GALK2: variants seen among roughly 807,000 people sequenced by gnomAD.
GALK2 encodes the protein galactokinase 2.
GALK2 carries 36 observed loss-of-function variants against 52.4 expected under a neutral mutation model. The observed-to-expected ratio is 0.69, with a 90% confidence interval of 0.53 to 0.91. GALK2 has a LOEUF of 0.91. Ranked by LOEUF, GALK2 falls within the 40% of genes least tolerant of loss-of-function variation. The probability of loss-of-function intolerance (pLI) is 0.00; values close to 1 mark genes in which losing one functional copy is unlikely to be tolerated. For synonymous variants in GALK2, 176 were observed against 199.1 expected (o/e 0.88, Z 0.98); for missense variants, 579 against 559.1 (o/e 1.04, Z -0.36).
At chr15:49,303,827 G>C (rs2035320621) in intron 8 of GALK2, among the ~76,000 whole-genome samples, 1 of 152,198 alleles carries the variant, frequency 6.6e-6, no homozygotes, top group Non-Finnish European at 1.5e-5. Context: ...CTCATTTGTG[G>C]CTGCCTCAAG....
chr15:49,315,007 AT>A (rs1240419414), intron 8 of GALK2, among the ~76,000 whole-genome samples: 4 of 152,268 alleles, frequency 2.6e-5, no homozygotes, highest in Non-Finnish European at 4.4e-5. Flanking sequence ...AATATAATTT[AT>A]TATACAAGCC....
intron 3 of GALK2, chr15:49,354,040 G>A (rs948866494): frequency 4.6e-5 from 7 of 152,154 alleles, no homozygotes; most frequent in African/African-American, 1.7e-4. Context: ...CACTTCTGGA[G>A]TCTCAGAGTT....
At chr15:49,326,796 A>AT (rs1318150345) in intron 9 of GALK2, among the ~76,000 whole-genome samples, 1 of 152,166 alleles carries the variant, frequency 6.6e-6, no homozygotes, top group Non-Finnish European at 1.5e-5. Flanking sequence ...ATTTTAATAT[A>AT]TATAATAAAG....
chr15:49,307,270 A>G, intron 8 of GALK2, among the ~76,000 whole-genome samples: 1 of 152,182 alleles, frequency 6.6e-6, no homozygotes, highest in Non-Finnish European at 1.5e-5. Context: ...GGGAGAGGAT[A>G]GTGTCACAAC....
chr15:49,322,883 G>A (rs2037006060), intron 9 of GALK2, among the ~76,000 whole-genome samples: 1 of 151,492 alleles, frequency 6.6e-6, no homozygotes, highest in African/African-American at 2.4e-5. Flanking sequence ...CGTGAACCCG[G>A]GAGGCAGAGC....
chr15:49,262,545 G>A (rs895499961), intron 5 of GALK2, among the ~76,000 whole-genome samples: 4 of 152,138 alleles, frequency 2.6e-5, no homozygotes, highest in African/African-American at 7.2e-5. Context: ...ATTTTTTGAA[G>A]GGTTTTTTGT....
chr15:49,360,914 C>CA (rs2044109745), intron 3 of GALK2, among the ~76,000 whole-genome samples: 1 of 152,094 alleles, frequency 6.6e-6, no homozygotes. Context: ...TACATACCTC[C>CA]AGTCTACTCA....
intron 1 of GALK2, among the ~76,000 whole-genome samples, chr15:49,164,922 A>G (rs1427524647): frequency 1.3e-5 from 2 of 152,026 alleles, no homozygotes; most frequent in African/African-American, 4.8e-5. Flanking sequence ...CAGAGTCTAA[A>G]TATTTGTTTC....
intron 3 of GALK2, chr15:49,366,041 A>G (rs1263912218): frequency 4.2e-5 from 34 of 810,056 alleles, no homozygotes; most frequent in Middle Eastern, 3.5e-4. Flanking sequence ...AAAGTTAGAT[A>G]TTCTTCCTTT....
rs771981013 is a variant in GALK2 at position 49,319,770 on chromosome 15, C to G, written c.1134C>G (p.Ser378Arg). ...HMSCRDMYEC[S>R]CPELDQLVDI... is the part of the protein sequence containing the mutation. ...GCTGCCGGGACATGTATGAGTGCAG[C>G]TGCCCCGAGCTGGATCAGCTGGTGG... The change falls in exon 9 of 10, where the codon AGC (serine) becomes AGG (arginine). Residue 378 changes from serine to arginine, a missense_variant. Coordinates refer to ENST00000560031, the MANE Select transcript of GALK2 (RefSeq NM_002044.4). 3.7e-6 allele frequency: 6 copies of G among 1,614,000 alleles called. No individual in the cohort carries two copies. The South Asian group carries it at 4.4e-5, about 12-fold the overall frequency.
intron 5 of GALK2, among the ~76,000 whole-genome samples, chr15:49,264,162 T>C (rs905994300): frequency 1.3e-4 from 20 of 151,792 alleles, no homozygotes; most frequent in African/African-American, 4.8e-4. Flanking sequence ...TCCTGCAGAG[T>C]GTTTTCCAAC....
chr15:49,191,192 G>C (rs2086697730), intron 1 of GALK2, among the ~76,000 whole-genome samples: 1 of 152,072 alleles, frequency 6.6e-6, no homozygotes, highest in African/African-American at 2.4e-5. Context: ...GGGAGGAATA[G>C]GGAAAAAAAT....
At position 49,328,693 on chromosome 15, in the gene GALK2, G is replaced by T; in HGVS notation, c.*534G>T. The T allele has an allele frequency of 1.9e-6, 3 of 1,548,850 alleles. No individual in the cohort carries two copies. Among genetic ancestry groups the T allele is most frequent in the Non-Finnish European group, 1.7e-6 (2 of 1,145,128 alleles). Reference sequence around the variant, plus strand: ...TCGGAACGCTATGAAAATAATACATGATTAAAGTTTCACAGATCTTCTTGG... The same window carrying T: ...TCGGAACGCTATGAAAATAATACATTATTAAAGTTTCACAGATCTTCTTGG... On this transcript the variant is annotated 3_prime_UTR_variant, in exon 10 of 10. Coordinates refer to ENST00000560031, the MANE Select transcript of GALK2 (RefSeq NM_002044.4).
chr15:49,297,688 C>A (rs911413978), intron 8 of GALK2, among the ~76,000 whole-genome samples: 3 of 152,130 alleles, frequency 2.0e-5, no homozygotes, highest in Non-Finnish European at 4.4e-5. Flanking sequence ...AATAGGGAGT[C>A]ATTTCTCCAT....
chr15:49,173,097 C>G (rs1455273658), intron 1 of GALK2, among the ~76,000 whole-genome samples: 1 of 152,160 alleles, frequency 6.6e-6, no homozygotes, highest in Non-Finnish European at 1.5e-5. Flanking sequence ...AACTACTGCT[C>G]TGTTTTCTGT....
chr15:49,193,373 T>A (rs1007248794), intron 1 of GALK2, among the ~76,000 whole-genome samples: 6 of 151,994 alleles, frequency 3.9e-5, no homozygotes, highest in Non-Finnish European at 7.4e-5. Context: ...TTTTTTTTTT[T>A]AATGTAAGGG....
intron 3 of GALK2, among the ~76,000 whole-genome samples, chr15:49,227,326 G>A (rs1465974385): frequency 6.6e-6 from 1 of 152,086 alleles, no homozygotes; most frequent in Non-Finnish European, 1.5e-5. Context: ...GTGTATATGT[G>A]TTTAGAGTTG....
At chr15:49,216,733 C>T (rs1372484118) in intron 2 of GALK2, among the ~76,000 whole-genome samples, 1 of 152,216 alleles carries the variant, frequency 6.6e-6, no homozygotes, top group African/African-American at 2.4e-5. Context: ...TAAATGCCCC[C>T]TCCTTGGGTG....
At position 49,208,510 on chromosome 15, in the gene GALK2, G is replaced by C. The variant is rs137912269; in HGVS notation, c.142+7260G>C. Among the ~76,000 whole-genome samples, 284 of 152,270 alleles carry C rather than the reference G, an allele frequency of 1.9e-3. 2 individuals carry two copies. Among genetic ancestry groups the C allele is most frequent in the African/African-American group, 6.3e-3 (263 of 41,554 alleles). On this transcript the variant is annotated intron_variant, in intron 2 of 9. Coordinates refer to ENST00000560031, the MANE Select transcript of GALK2 (RefSeq NM_002044.4). Reference sequence around the variant, plus strand: ...TTCCAGTTTTATTTCATTGTAGTTTGAGAGAGTGCTTGATATAATTTCAAT... The same window carrying C: ...TTCCAGTTTTATTTCATTGTAGTTTCAGAGAGTGCTTGATATAATTTCAAT...
Sources: gnomAD v4.1 joint callset for allele counts (sites outside exome capture counted in the v4.1 genomes callset) on GRCh38, gnomAD v4.1.1 for gene constraint, MANE v1.5 for transcripts, NCBI Gene and HGNC (gene_info 2026-07-23, HGNC 2026-07-21) for gene names.